Variants in PCDHGB1 observed in about 807,000 individuals in gnomAD.
The protein encoded by PCDHGB1 is protocadherin gamma subfamily B, 1, also known as protocadherin gamma-B1.
A neutral mutation model predicts 56.6 loss-of-function variants in PCDHGB1; 34 were observed. The ratio of observed to expected loss-of-function variants is 0.60; its 90% CI spans 0.46 to 0.80. The LOEUF (loss-of-function observed/expected upper bound fraction) is 0.80. PCDHGB1 is among the 30% of genes least tolerant of loss of function. PCDHGB1 has a pLI of 0.00. For synonymous variants in PCDHGB1, 561 were observed against 505.9 expected (o/e 1.11, Z -1.46); for missense variants, 1,278 against 1,204.6 (o/e 1.06, Z -0.90).
At chr5:141,473,902 G>C (rs1593464039) in intron 1 of PCDHGB1, among the ~76,000 whole-genome samples, 1 of 152,240 alleles carries the variant, frequency 6.6e-6, no homozygotes, top group South Asian at 2.1e-4. Context: ...GGTTCATGAA[G>C]AGGTCTTAAG....
chr5:141,390,263 T>G (rs1249972080), intron 1 of PCDHGB1: 2 of 1,614,054 alleles, frequency 1.2e-6, no homozygotes, highest in Non-Finnish European at 1.7e-6. Context: ...GTAATTCCAG[T>G]GAATTGACTT....
At chr5:141,507,132 C>T (rs748716107) in intron 3 of PCDHGB1, 2 of 152,188 alleles carry the variant, frequency 1.3e-5, no homozygotes, top group African/African-American at 2.4e-5. Flanking sequence ...GATCCAGCCT[C>T]GGCTTCTCTA....
At chr5:141,437,986 C>T (rs2097921856) in intron 1 of PCDHGB1, among the ~76,000 whole-genome samples, 1 of 152,096 alleles carries the variant, frequency 6.6e-6, no homozygotes, top group African/African-American at 2.4e-5. Context: ...TGCACCCACC[C>T]CACCTCAGCC....
At chr5:141,393,971 A>G (rs769025757) in intron 1 of PCDHGB1, 3 of 1,613,904 alleles carry the variant, frequency 1.9e-6, no homozygotes, top group Non-Finnish European at 2.5e-6. Flanking sequence ...TCTGTTACAC[A>G]CGTGATAATT....
rs558944208 is a variant in PCDHGB1, at chr5:141,478,187, A to G, written c.2410-16620A>G. On this transcript the variant is annotated intron_variant, in intron 1 of 3. Coordinates refer to ENST00000523390, the MANE Select transcript of PCDHGB1 (RefSeq NM_018922.3). ...CCCCCGGGAGCAGAAAAAAAATCTC[A>G]CCTTTTATCTACTTCTTTCTCTAAT... is the stretch of plus-strand genomic sequence containing the variant. The G allele has an allele frequency of 2.9e-5, 46 of 1,613,548 alleles. No individual in the cohort carries two copies. The highest frequency in any genetic ancestry group is 3.9e-5 in the Non-Finnish European group (46 of 1,179,954).
At position 141,432,807 on chromosome 5, in the gene PCDHGB1, ACT is replaced by A. The variant is rs542925824; in HGVS notation, c.2410-61997_2410-61996del. On this transcript the variant is annotated intron_variant, in intron 1 of 3. Coordinates refer to ENST00000523390, the MANE Select transcript of PCDHGB1 (RefSeq NM_018922.3). This position sits in a 1 kb window ranked among gnomAD's most constrained non-coding sequence, Gnocchi z 6.0. ...CTCGGCAGCCTCGAGTCTCCAGCTA[ACT>A]CTGAAACCTCAGACCTCACTCTGTA... 352 of 1,613,946 alleles carry A rather than the reference ACT, an allele frequency of 2.2e-4. 2 individuals carry two copies. The African/African-American group carries it at 4.2e-3, about 19-fold the overall frequency.
Position 141,476,464 on chromosome 5 carries a change from G to A in PCDHGB1, c.2410-18343G>A, listed in dbSNP as rs745664477. On this transcript the variant is annotated intron_variant, in intron 1 of 3. Transcript: ENST00000523390. This position sits in a 1 kb window ranked among gnomAD's most constrained non-coding sequence, Gnocchi z 7.6. ...TGGAGTTGGTAGTGGAGAACCCGCT[G>A]GAGCTGTTCAGCGTGGAAGTGGTGA... 3 of 1,614,140 alleles carry A rather than the reference G, an allele frequency of 1.9e-6. No homozygotes were observed. Among genetic ancestry groups the A allele is most frequent in the Non-Finnish European group, 2.5e-6 (3 of 1,180,014 alleles).
chr5:141,387,492 G>C (rs779250536), intron 1 of PCDHGB1, among the ~76,000 whole-genome samples: 1 of 152,220 alleles, frequency 6.6e-6, no homozygotes, highest in Non-Finnish European at 1.5e-5. Flanking sequence ...GCATTCCTAA[G>C]AGTACATTTT....
At chr5:141,375,595 C>T (rs1444867378) in intron 1 of PCDHGB1, 13 of 1,614,066 alleles carry the variant, frequency 8.1e-6, no homozygotes, top group African/African-American at 1.3e-5. Flanking sequence ...TGTCCTCCTA[C>T]GTGTCCATCA....
At chr5:141,483,487 A>G (rs777951096) in intron 1 of PCDHGB1, among the ~76,000 whole-genome samples, 4 of 152,006 alleles carry the variant, frequency 2.6e-5, no homozygotes, top group Non-Finnish European at 5.9e-5. Context: ...AGTGAGGGAC[A>G]GGGATGAGTC....
chr5:141,385,190 G>A (rs899564761), intron 1 of PCDHGB1: 5 of 1,614,048 alleles, frequency 3.1e-6, no homozygotes, highest in African/African-American at 1.3e-5. Context: ...GCGGACTCTC[G>A]GAAGAGTCAC....
intron 1 of PCDHGB1, chr5:141,404,885 G>C: frequency 1.2e-6 from 2 of 1,613,906 alleles, no homozygotes; most frequent in Non-Finnish European, 1.7e-6. Context: ...CCTTGTGGTG[G>C]CTGTACAGGA....
At chr5:141,452,256 C>T (rs533770410) in intron 1 of PCDHGB1, among the ~76,000 whole-genome samples, 1 of 152,298 alleles carries the variant, frequency 6.6e-6, no homozygotes, top group African/African-American at 2.4e-5. Flanking sequence ...CCATAACTCT[C>T]TCATTTTCTT....
intron 1 of PCDHGB1, chr5:141,423,755 G>A (rs1236551808): frequency 2.5e-5 from 13 of 512,416 alleles, no homozygotes; most frequent in Non-Finnish European, 3.4e-5. Context: ...CTGTTTGGGG[G>A]GGGGGTGGGG....
At chr5:141,454,331 T>G (rs1244660733) in intron 1 of PCDHGB1, among the ~76,000 whole-genome samples, 1 of 152,180 alleles carries the variant, frequency 6.6e-6, no homozygotes, top group Non-Finnish European at 1.5e-5. Context: ...CAAGAATAAA[T>G]AAAATGTTGG....
chr5:141,419,842 C>A, intron 1 of PCDHGB1: 1 of 1,614,074 alleles, frequency 6.2e-7, no homozygotes, highest in South Asian at 1.1e-5. Flanking sequence ...CCACGCTGCA[C>A]CTGGTGTTCG....
At chr5:141,360,689 C>CT in intron 1 of PCDHGB1, 1 of 1,613,992 alleles carries the variant, frequency 6.2e-7, no homozygotes, top group Non-Finnish European at 8.5e-7. Context: ...GAGAAACAGA[C>CT]TCCAGATGGT....
chr5:141,361,672 G>A (rs1177746611), intron 1 of PCDHGB1: 17 of 1,613,566 alleles, frequency 1.1e-5, no homozygotes, highest in Non-Finnish European at 1.4e-5. Context: ...GCAGAGCGGG[G>A]TGGTGTTCGC....
chr5:141,433,174 G>A (rs1298757358), intron 1 of PCDHGB1: 1 of 1,610,308 alleles, frequency 6.2e-7, no homozygotes, highest in Non-Finnish European at 8.5e-7. Context: ...ACAGTCATGG[G>A]TTAATTGAGG....
Sources: gnomAD v4.1 joint callset for allele counts (sites outside exome capture counted in the v4.1 genomes callset) on GRCh38, gnomAD v4.1.1 for gene constraint, Gnocchi (gnomAD v3.1) non-coding constraint, MANE v1.5 for transcripts, NCBI Gene and HGNC (gene_info 2026-07-23, HGNC 2026-07-21) for gene names.